Variants in SLC7A14 observed in about 807,000 individuals in gnomAD.
The protein encoded by SLC7A14 is solute carrier family 7 member 14.
A neutral mutation model predicts 60.2 loss-of-function variants in SLC7A14; 37 were observed. The ratio of observed to expected loss-of-function variants is 0.61; its 90% confidence interval spans 0.47 to 0.81. The LOEUF is 0.81. SLC7A14 is among the 30% of genes least tolerant of loss of function. The probability of loss-of-function intolerance (pLI) is 0.00; values close to 1 mark genes in which losing one functional copy is unlikely to be tolerated. For missense variants in SLC7A14, 886 were observed against 982.7 expected (o/e 0.90, Z 1.32); for synonymous variants, 399 against 395.8 (o/e 1.01, Z -0.10).
intron 1 of SLC7A14, among the ~76,000 whole-genome samples, chr3:170,569,491 G>T (rs201991768): frequency 0.14 from 21,895 of 151,170 alleles, 1,643 homozygotes; most frequent in East Asian, 0.21. Context: ...TTGTGTCTCT[G>T]CCAGGCTTTG....
chr3:170,575,828 A>G (rs750100468), intron 1 of SLC7A14, among the ~76,000 whole-genome samples: 1 of 152,146 alleles, frequency 6.6e-6, no homozygotes, highest in Admixed American at 6.5e-5. Context: ...ACAAGATTGG[A>G]CTCCATGAGC....
At position 170,563,423 on chromosome 3, in the gene SLC7A14, T is replaced by TG. The variant is rs58294249; in HGVS notation, c.-153+22487_-153+22488insC. 9.4e-3 allele frequency among the ~76,000 whole-genome samples: 1,394 copies of TG among 148,204 alleles called. 78 individuals are homozygous for TG. In the East Asian group the frequency reaches 0.17, roughly 18 times the overall value. On this transcript the variant is annotated intron_variant, in intron 1 of 7. Transcript: ENST00000231706. ...AAACACTGTTTGTTTGTTTGTTTTT[T>TG]TTTTTTTTTTTTGAGATGGAGTCTT... is the stretch of plus-strand genomic sequence containing the variant.
In SLC7A14 at chr3:170,498,848, A is replaced by G. The variant is rs761950542; in HGVS notation, c.578T>C (p.Leu193Pro). The G allele has an allele frequency of 5.1e-5, 83 of 1,614,082 alleles. No homozygotes were observed. Among genetic ancestry groups the G allele is most frequent in the Non-Finnish European group, 6.5e-5 (77 of 1,180,042 alleles). The stretch of plus-strand genomic sequence containing the variant: ...GATGGTCACGATGACCGCGATCAAC[A>G]GAGCCAGAAGGTCTGGGTATGATTC... ...GEESYPDLLA[L>P]LIAVIVTIIV... The change falls in exon 4 of 8, where the codon CTG (leucine) becomes CCG (proline). Residue 193 changes from leucine to proline, a missense_variant. Physicochemically the swap from Leu to Pro is moderately conservative, Grantham distance 98. Coordinates refer to ENST00000231706, the MANE Select transcript of SLC7A14 (RefSeq NM_020949.3).
chr3:170,556,982 G>A (rs1714502109), intron 1 of SLC7A14, among the ~76,000 whole-genome samples: 4 of 152,124 alleles, frequency 2.6e-5, no homozygotes, highest in Admixed American at 2.6e-4. Flanking sequence ...AAAAAGTGGT[G>A]CGCATGAGGC....
intron 1 of SLC7A14, among the ~76,000 whole-genome samples, chr3:170,536,369 A>C (rs1293176563): frequency 2.0e-5 from 3 of 152,242 alleles, no homozygotes; most frequent in Non-Finnish European, 4.4e-5. Context: ...AAAAGTTTAG[A>C]AAAACTTTGA....
chr3:170,540,424 T>G (rs1369781760), intron 1 of SLC7A14, among the ~76,000 whole-genome samples: 5 of 152,068 alleles, frequency 3.3e-5, no homozygotes, highest in Non-Finnish European at 4.4e-5. Context: ...GGATGCAACA[T>G]AAAAGGTATA....
In SLC7A14 at chr3:170,535,577, G is replaced by C. The variant is rs964613179; in HGVS notation, c.-152-8489C>G. 9.2e-5 allele frequency among the ~76,000 whole-genome samples: 14 copies of C among 152,246 alleles called. No individual in the cohort carries two copies. Among genetic ancestry groups the C allele is most frequent in the Admixed American group, 8.5e-4 (13 of 15,308 alleles). On this transcript the variant is annotated intron_variant, in intron 1 of 7. Coordinates refer to ENST00000231706, the MANE Select transcript of SLC7A14 (RefSeq NM_020949.3). The surrounding 1 kb of genome is among the most constrained non-coding windows in gnomAD (Gnocchi z 4.3). ...CCCAGCAGCCCACTGGCTGTGTCCT[G>C]GGGAGCTGACATGCTCCCTTGCCCT...
chr3:170,498,913 G>C (rs1408201985), intron 3 of SLC7A14, 29 bp from the exon 4 acceptor site: 2 of 1,609,320 alleles, frequency 1.2e-6, no homozygotes, highest in East Asian at 2.2e-5. Context: ...ATTTGACATT[G>C]TCTGGAGGGA....
At chr3:170,537,602 C>T (rs1389385842) in intron 1 of SLC7A14, among the ~76,000 whole-genome samples, 1 of 152,206 alleles carries the variant, frequency 6.6e-6, no homozygotes, top group Non-Finnish European at 1.5e-5. Context: ...CTCGGCTGAG[C>T]ATTTATATGC....
rs115369801 is a variant in SLC7A14 at position 170,541,609 on chromosome 3, T to C, written c.-152-14521A>G. Among the ~76,000 whole-genome samples the C allele has an allele frequency of 9.5e-3, 1,445 of 152,294 alleles. 18 individuals are homozygous for C. The highest frequency in any genetic ancestry group is 0.013 in the Non-Finnish European group (863 of 68,020). ...CAAGACCTTGTCTCCAAAAAGGTAA[T>C]GTGTAATTACATGAGAAATTACTCA... is the stretch of plus-strand genomic sequence containing the variant. On this transcript the variant is annotated intron_variant, in intron 1 of 7. Transcript: ENST00000231706.
At chr3:170,483,929 ACT>A (rs1335390157) in intron 5 of SLC7A14, among the ~76,000 whole-genome samples, 1 of 151,842 alleles carries the variant, frequency 6.6e-6, no homozygotes, top group African/African-American at 2.4e-5. Context: ...CGTGGACAAG[ACT>A]CTCATTTCTC....
intron 2 of SLC7A14, among the ~76,000 whole-genome samples, chr3:170,516,291 A>G (rs1159550226): frequency 6.6e-6 from 1 of 152,220 alleles, no homozygotes; most frequent in Non-Finnish European, 1.5e-5. Context: ...CTTACAAGTC[A>G]TCTTCATGAC....
chr3:170,506,020 G>A (rs1270016075), intron 2 of SLC7A14, among the ~76,000 whole-genome samples: 1 of 152,118 alleles, frequency 6.6e-6, no homozygotes, highest in Non-Finnish European at 1.5e-5. Context: ...TTTACATTTT[G>A]TGGTTATCCA....
At chr3:170,534,151 G>A (rs1044369956) in intron 1 of SLC7A14, among the ~76,000 whole-genome samples, 6 of 152,190 alleles carry the variant, frequency 3.9e-5, no homozygotes, top group African/African-American at 1.4e-4. Context: ...CAATGGTGAT[G>A]TTTGTCTCTT....
intron 1 of SLC7A14, among the ~76,000 whole-genome samples, chr3:170,578,175 G>A (rs1232264664): frequency 6.6e-6 from 1 of 152,258 alleles, no homozygotes; most frequent in Admixed American, 6.5e-5. Flanking sequence ...TGGTGGTGTG[G>A]CTGGCCACAC....
chr3:170,572,051 A>G (rs1714969760), intron 1 of SLC7A14, among the ~76,000 whole-genome samples: 1 of 135,062 alleles, frequency 7.4e-6, no homozygotes, highest in East Asian at 2.2e-4. Flanking sequence ...ATAGAGGGAG[A>G]CTCTGTCTCA....
At chr3:170,570,666 C>T (rs1396475747) in intron 1 of SLC7A14, among the ~76,000 whole-genome samples, 1 of 152,154 alleles carries the variant, frequency 6.6e-6, no homozygotes, top group Non-Finnish European at 1.5e-5. Context: ...GTACTTCTCA[C>T]TCCGAAGCCC....
intron 3 of SLC7A14, 102 bp from the exon 4 acceptor site, chr3:170,498,986 C>G (rs1405168478): frequency 8.8e-7 from 1 of 1,135,768 alleles, no homozygotes; most frequent in Non-Finnish European, 1.3e-6. Context: ...TTAAGAAGGG[C>G]AGTAAACTGG....
intron 4 of SLC7A14, among the ~76,000 whole-genome samples, chr3:170,493,869 T>A (rs1712300085): frequency 6.6e-6 from 1 of 152,254 alleles, no homozygotes; most frequent in South Asian, 2.1e-4. Context: ...CACACTGGGC[T>A]GTCCTTTGTT....
Sources: gnomAD v4.1 joint callset for allele counts (sites outside exome capture counted in the v4.1 genomes callset) on GRCh38, gnomAD v4.1.1 for gene constraint, Gnocchi (gnomAD v3.1) non-coding constraint, MANE v1.5 for transcripts, NCBI Gene and HGNC (gene_info 2026-07-23, HGNC 2026-07-21) for gene names.